Variants in EYA1 observed in about 807,000 individuals in gnomAD.
EYA1 encodes the protein EYA transcriptional coactivator and phosphatase 1.
EYA1 carries 16 observed loss-of-function variants against 82.0 expected under a neutral mutation model. That is an observed-to-expected ratio of 0.20 (90% CI 0.13 to 0.30). EYA1 has a LOEUF of 0.30. Ranked by LOEUF, EYA1 falls within the 10% of genes least tolerant of loss-of-function variation. The pLI is 1.00. For missense variants in EYA1, 633 were observed against 730.7 expected (o/e 0.87, Z 1.54); for synonymous variants, 261 against 264.4 (o/e 0.99, Z 0.12).
intron 2 of EYA1, among the ~76,000 whole-genome samples, chr8:71,486,618 C>T (rs548764050): frequency 1.3e-4 from 20 of 152,302 alleles, no homozygotes; most frequent in Non-Finnish European, 2.4e-4. Flanking sequence ...GGATCCTATT[C>T]GGTTCCCACC....
chr8:71,332,053 G>T (rs13273308), intron 4 of EYA1, among the ~76,000 whole-genome samples: 27 of 152,132 alleles, frequency 1.8e-4, no homozygotes, highest in Non-Finnish European at 3.4e-4. Context: ...AGGTCTCCCT[G>T]TGTTGTCCAG....
chr8:71,460,599 T>C (rs527241290), intron 2 of EYA1, among the ~76,000 whole-genome samples: 3 of 152,018 alleles, frequency 2.0e-5, no homozygotes, highest in African/African-American at 2.4e-5. Context: ...GGCTGGGAAG[T>C]GGTGGGAAGG....
intron 2 of EYA1, among the ~76,000 whole-genome samples, chr8:71,501,339 C>T (rs1236763074): frequency 1.3e-5 from 2 of 152,188 alleles, no homozygotes; most frequent in Admixed American, 1.3e-4. Context: ...AGCACTTTCA[C>T]TTCTGAGTGT....
intron 2 of EYA1, among the ~76,000 whole-genome samples, chr8:71,438,405 T>C (rs1340211704): frequency 6.6e-6 from 1 of 151,798 alleles, no homozygotes; most frequent in Non-Finnish European, 1.5e-5. Context: ...ATGAAGTAAA[T>C]AAATTCAAAC....
chr8:71,306,415 G>C (rs1319312771), intron 7 of EYA1, among the ~76,000 whole-genome samples: 1 of 151,958 alleles, frequency 6.6e-6, no homozygotes, highest in Non-Finnish European at 1.5e-5. Context: ...AGTATACTGG[G>C]ACCAGTGAAA....
intron 11 of EYA1, among the ~76,000 whole-genome samples, chr8:71,247,699 T>TA (rs1813276024): frequency 6.6e-6 from 1 of 152,226 alleles, no homozygotes; most frequent in Non-Finnish European, 1.5e-5. Flanking sequence ...ACAAGGAGTT[T>TA]AAGTATCAGT....
At chr8:71,268,781 A>C (rs1816167934) in intron 11 of EYA1, among the ~76,000 whole-genome samples, 1 of 152,230 alleles carries the variant, frequency 6.6e-6, no homozygotes, top group Non-Finnish European at 1.5e-5. Context: ...GCAGATACTC[A>C]GTGTGTATTT....
At chr8:71,414,350 A>G (rs1233552684) in intron 2 of EYA1, among the ~76,000 whole-genome samples, 1 of 152,234 alleles carries the variant, frequency 6.6e-6, no homozygotes, top group Non-Finnish European at 1.5e-5. Context: ...GACAGTATCC[A>G]CTACAGGAGG....
intron 2 of EYA1, among the ~76,000 whole-genome samples, chr8:71,478,092 G>C (rs1407726648): frequency 6.6e-6 from 1 of 152,156 alleles, no homozygotes; most frequent in Admixed American, 6.6e-5. Context: ...TTAGGTAGTG[G>C]TGATGGTTGC....
At chr8:71,543,343 T>C (rs1586918459) in intron 1 of EYA1, among the ~76,000 whole-genome samples, 2 of 152,048 alleles carry the variant, frequency 1.3e-5, no homozygotes, top group African/African-American at 4.8e-5. Context: ...CTTTTTGGGG[T>C]ATTGAAAGTG....
chr8:71,315,267 T>A (rs563695403), intron 7 of EYA1, among the ~76,000 whole-genome samples: 3 of 152,220 alleles, frequency 2.0e-5, no homozygotes, highest in Non-Finnish European at 4.4e-5. Context: ...TCAATAAACA[T>A]AAAATTTATT....
At chr8:71,287,441 C>T (rs141708616) in intron 9 of EYA1, among the ~76,000 whole-genome samples, 2 of 152,262 alleles carry the variant, frequency 1.3e-5, no homozygotes, top group East Asian at 1.9e-4. Context: ...AGGCACTAAT[C>T]GAGGTCTCTA....
chr8:71,391,051 G>T (rs1829251090), intron 2 of EYA1, among the ~76,000 whole-genome samples: 1 of 152,082 alleles, frequency 6.6e-6, no homozygotes, highest in African/African-American at 2.4e-5. Flanking sequence ...TCGGCTCACT[G>T]CAACCTCCAC....
chr8:71,373,798 C>A (rs528487511), intron 2 of EYA1, among the ~76,000 whole-genome samples: 13 of 151,966 alleles, frequency 8.6e-5, no homozygotes, highest in Non-Finnish European at 1.6e-4. Context: ...GACACATACA[C>A]CAATGGAACA....
chr8:71,533,557 A>G lies in EYA1; in HGVS notation c.33+2187T>C, dbSNP rs192082183. On this transcript the variant is annotated intron_variant, in intron 2 of 18. Coordinates refer to the EYA1 transcript ENST00000643681. ...AGACAGGGCCTTGGGTGTGTCGCCC[A>G]GGCTAGAGTACAGTAGCGCAACCAC... Among the ~76,000 whole-genome samples the G allele has an allele frequency of 1.6e-4, 25 of 152,332 alleles. No individual in the cohort carries two copies. In the East Asian group the frequency reaches 4.0e-3, roughly 25 times the overall value.
chr8:71,238,289 A>T (rs1453448652), intron 12 of EYA1, among the ~76,000 whole-genome samples: 1 of 152,168 alleles, frequency 6.6e-6, no homozygotes, highest in Non-Finnish European at 1.5e-5. Context: ...CAATGTCAAC[A>T]TTAGGCCGCA....
Position 71,310,199 on chromosome 8 carries a change from C to T in EYA1, c.556+7353G>A, listed in dbSNP as rs555924615. ...CCAGCTCTATCTACGAGTATTAACA[C>T]AAGGAAAGATGGCATTAAACATACG... On this transcript the variant is annotated intron_variant, in intron 7 of 17. Transcript: ENST00000340726. Among the ~76,000 whole-genome samples the T allele has an allele frequency of 1.6e-4, 24 of 152,166 alleles. No individual in the cohort carries two copies. The South Asian group carries it at 5.0e-3, about 32-fold the overall frequency.
At chr8:71,356,417 A>G in intron 2 of EYA1, 45 bp downstream of exon 2, 1 of 1,518,628 alleles carries the variant, frequency 6.6e-7, no homozygotes, top group Non-Finnish European at 9.0e-7. Context: ...TATGGGTCAC[A>G]GAAAGGTAAT....
chr8:71,501,308 G>A (rs1431506600), intron 2 of EYA1, among the ~76,000 whole-genome samples: 1 of 152,230 alleles, frequency 6.6e-6, no homozygotes, highest in Admixed American at 6.5e-5. Flanking sequence ...GCCTGGAGCA[G>A]TCTTGCCCAG....
Sources: gnomAD v4.1 joint callset for allele counts (sites outside exome capture counted in the v4.1 genomes callset) on GRCh38, gnomAD v4.1.1 for gene constraint, MANE v1.5 for transcripts, NCBI Gene and HGNC (gene_info 2026-07-23, HGNC 2026-07-21) for gene names.